The following CSMD2 variants were observed in gnomAD, a reference collection of about 807,000 sequenced individuals.
CSMD2 encodes CUB and Sushi multiple domains 2.
CSMD2 carries 130 observed loss-of-function variants against 398.5 expected under a neutral mutation model. The observed-to-expected ratio is 0.33, with a 90% CI of 0.28 to 0.38. The LOEUF (loss-of-function observed/expected upper bound fraction) is 0.38. CSMD2 is among the 10% of genes least tolerant of loss of function. CSMD2 has a pLI of 1.00. For synonymous variants in CSMD2, 1,828 were observed against 1,908.5 expected (o/e 0.96, Z 1.10); for missense variants, 3,829 against 4,764.9 (o/e 0.80, Z 5.78).
At chr1:33,659,392 G>A (rs1644054747) in intron 26 of CSMD2, among the ~76,000 whole-genome samples, 2 of 152,224 alleles carry the variant, frequency 1.3e-5, no homozygotes, top group South Asian at 4.1e-4. Flanking sequence ...CCCGGTCCCA[G>A]TCCCCAGCTA....
intron 15 of CSMD2, among the ~76,000 whole-genome samples, chr1:33,728,603 T>C (rs749799676): frequency 6.6e-6 from 1 of 152,160 alleles, no homozygotes; most frequent in East Asian, 1.9e-4. Flanking sequence ...ACAGAGCTAA[T>C]GAAATTAGAG....
Position 33,559,548 on chromosome 1 carries a change from G to A in CSMD2, c.8381-75C>T. On this transcript the variant is annotated intron_variant, in intron 53 of 70. Transcript: ENST00000373381. This position sits in a 1 kb window ranked among gnomAD's most constrained non-coding sequence, Gnocchi z 4.0. ...TCAGAATTTATCCACCTCTCACCTG[G>A]CATCTCTTAGGCCATCAGTGAAGTT... 1.5e-6 allele frequency: 2 copies of A among 1,321,854 alleles called. No individual in the cohort carries two copies. The highest frequency in any genetic ancestry group is 1.8e-4 in the Middle Eastern group (1 of 5,552). The allele number at this position is 1,321,854 out of a possible 1,614,324, so 81.9% of individuals were successfully genotyped here.
chr1:33,771,764 C>G (rs1343853785), intron 13 of CSMD2, among the ~76,000 whole-genome samples: 1 of 152,102 alleles, frequency 6.6e-6, no homozygotes, highest in African/African-American at 2.4e-5. Context: ...CCTGCCTTTC[C>G]CTGAGAGAAG....
At position 33,533,845 on chromosome 1, in the gene CSMD2, C is replaced by T; in HGVS notation, c.9942G>A (p.Arg3314=). 1 of 1,614,096 alleles carries T rather than the reference C, an allele frequency of 6.2e-7. No individual in the cohort carries two copies. The change falls in exon 63 of 71, where the codon AGG becomes AGA. Residue 3314 remains arginine (R), a synonymous_variant. Transcript: ENST00000373381. This position sits in a 1 kb window ranked among gnomAD's most constrained non-coding sequence, Gnocchi z 4.2. ...KGYLLQGSTT[R]TCLPNLTWSG... Reference sequence around the variant, plus strand: ...TCCAGGTCAGGTTTGGGAGGCAGGTCCTGGTGGTGGAGCCCTGAAGCAGGT... The same window carrying T: ...TCCAGGTCAGGTTTGGGAGGCAGGTTCTGGTGGTGGAGCCCTGAAGCAGGT...
intron 2 of CSMD2, among the ~76,000 whole-genome samples, chr1:34,049,615 T>C (rs570208625): frequency 6.6e-6 from 1 of 152,196 alleles, no homozygotes; most frequent in South Asian, 2.1e-4. Flanking sequence ...TCCAAGTGTA[T>C]AGAGTGAGGT....
intron 2 of CSMD2, among the ~76,000 whole-genome samples, chr1:34,039,360 G>C (rs572032603): frequency 6.6e-6 from 1 of 152,172 alleles, no homozygotes; most frequent in Non-Finnish European, 1.5e-5. Flanking sequence ...CCGCAGCCAC[G>C]GTCTCTGAGC....
chr1:33,684,085 G>A (rs556535393), intron 25 of CSMD2, among the ~76,000 whole-genome samples: 26 of 152,310 alleles, frequency 1.7e-4, no homozygotes, highest in African/African-American at 6.0e-4. Context: ...ACCACTGTGG[G>A]GAGTTGCTGC....
intron 12 of CSMD2, among the ~76,000 whole-genome samples, chr1:33,784,846 G>A (rs919553712): frequency 1.3e-5 from 2 of 152,140 alleles, no homozygotes; most frequent in South Asian, 4.1e-4. Context: ...TCCTAACAAC[G>A]CTCTCAGATT....
chr1:33,600,799 G>T (rs1168908479), intron 44 of CSMD2, 66 bp downstream of exon 44: 2 of 1,528,368 alleles, frequency 1.3e-6, no homozygotes, highest in East Asian at 2.3e-5. Flanking sequence ...TGGTGGAGAC[G>T]GGAGTCAAGC....
intron 20 of CSMD2, among the ~76,000 whole-genome samples, 185 bp from the exon 21 acceptor site, chr1:33,714,960 C>T (rs189225928): frequency 2.0e-5 from 3 of 152,114 alleles, no homozygotes; most frequent in African/African-American, 4.8e-5. Flanking sequence ...AGTGAGAGCC[C>T]GAGGGGAGCA....
At chr1:33,803,068 C>T (rs1655799866) in intron 10 of CSMD2, among the ~76,000 whole-genome samples, 1 of 152,186 alleles carries the variant, frequency 6.6e-6, no homozygotes, top group South Asian at 2.1e-4. Flanking sequence ...TGGTCTCCTT[C>T]TAGCACTTTT....
chr1:33,896,730 T>G (rs1182038178), intron 5 of CSMD2, among the ~76,000 whole-genome samples: 1 of 152,096 alleles, frequency 6.6e-6, no homozygotes, highest in African/African-American at 2.4e-5. Context: ...GGGCAGACAC[T>G]CTACTGACTG....
intron 4 of CSMD2, among the ~76,000 whole-genome samples, chr1:33,931,441 C>T (rs980241536): frequency 6.7e-6 from 1 of 149,634 alleles, no homozygotes; most frequent in African/African-American, 2.5e-5. Context: ...ATTCTTGTAG[C>T]TTGTGGGGAT....
chr1:33,864,997 A>AGG (rs1639913232), intron 5 of CSMD2, among the ~76,000 whole-genome samples: 1 of 42,748 alleles, frequency 2.3e-5, no homozygotes, highest in Non-Finnish European at 5.1e-5. Flanking sequence ...GGGGAGGGAA[A>AGG]GGGAGGGAAG....
intron 13 of CSMD2, among the ~76,000 whole-genome samples, chr1:33,756,221 TG>T (rs1219727724): frequency 2.6e-5 from 4 of 152,152 alleles, no homozygotes; most frequent in African/African-American, 9.7e-5. Flanking sequence ...AACTCCTAAG[TG>T]TATGCCTGCA....
chr1:34,130,127 T>C (rs1571213275), intron 1 of CSMD2, among the ~76,000 whole-genome samples: 1 of 152,080 alleles, frequency 6.6e-6, no homozygotes, highest in African/African-American at 2.4e-5. Flanking sequence ...TGTGTGGCAC[T>C]GGGGGTACAG....
At chr1:33,983,376 G>A (rs1558199319) in intron 3 of CSMD2, among the ~76,000 whole-genome samples, 1 of 152,176 alleles carries the variant, frequency 6.6e-6, no homozygotes, top group African/African-American at 2.4e-5. Flanking sequence ...CTCTACTTGG[G>A]AACATTTTTC....
In CSMD2 at chr1:33,991,603, A is replaced by G. The variant is rs573837457; in HGVS notation, c.517+40991T>C. On this transcript the variant is annotated intron_variant, in intron 3 of 70. Coordinates refer to ENST00000373381, the MANE Select transcript of CSMD2 (RefSeq NM_001281956.2). The stretch of plus-strand genomic sequence containing the variant: ...GCTTACTCCAGGAGTGCATGCAATT[A>G]AAAAATCCCCCTGAAAGGGAGCCAA... Among the ~76,000 whole-genome samples the G allele has an allele frequency of 2.1e-4, 32 of 152,274 alleles. 1 individual carries two copies. The South Asian group carries it at 6.6e-3, about 32-fold the overall frequency.
intron 33 of CSMD2, among the ~76,000 whole-genome samples, chr1:33,625,662 C>A (rs1642074760): frequency 6.6e-6 from 1 of 152,168 alleles, no homozygotes; most frequent in Non-Finnish European, 1.5e-5. Context: ...CTGCCTGGGG[C>A]CCTGCCCTCC....
Sources: gnomAD v4.1 joint callset for allele counts (sites outside exome capture counted in the v4.1 genomes callset) on GRCh38, gnomAD v4.1.1 for gene constraint, Gnocchi (gnomAD v3.1) non-coding constraint, MANE v1.5 for transcripts, NCBI Gene and HGNC (gene_info 2026-07-23, HGNC 2026-07-21) for gene names.